CNTNAP2: variants seen among roughly 807,000 people sequenced by gnomAD.
CNTNAP2 encodes contactin associated protein 2.
CNTNAP2 carries 98 observed loss-of-function variants against 155.2 expected under a neutral mutation model. That is an observed-to-expected ratio of 0.63 (90% CI 0.54 to 0.75). CNTNAP2 has a LOEUF of 0.75. CNTNAP2 is among the 30% of genes least tolerant of loss of function. CNTNAP2 has a pLI of 0.00. For missense variants in CNTNAP2, 1,727 were observed against 1,688.1 expected (o/e 1.02, Z -0.40); for synonymous variants, 651 against 631.2 (o/e 1.03, Z -0.47).
intron 1 of CNTNAP2, among the ~76,000 whole-genome samples, chr7:146,661,712 T>TTTTCTTTC (rs1021323859): frequency 2.3e-5 from 3 of 128,722 alleles, no homozygotes; most frequent in East Asian, 4.3e-4. Flanking sequence ...GAGTTTTTCT[T>TTTTCTTTC]TTTCTTTCTT....
intron 8 of CNTNAP2, among the ~76,000 whole-genome samples, chr7:147,284,681 A>G (rs924738471): frequency 6.6e-6 from 1 of 152,108 alleles, no homozygotes; most frequent in African/African-American, 2.4e-5. Context: ...CTTCACTCAC[A>G]TAAATACTGT....
In CNTNAP2 at chr7:146,645,101, C is replaced by G. The variant is rs183003697; in HGVS notation, c.98-129170C>G. On this transcript the variant is annotated intron_variant, in intron 1 of 23. Coordinates refer to ENST00000361727, the MANE Select transcript of CNTNAP2 (RefSeq NM_014141.6). ...AATCATTTATTAAAATAGGCAAGTA[C>G]TTCTAAAAGCAGGGCTTGAAGGATG... Among the ~76,000 whole-genome samples, 250 of 152,262 alleles carry G rather than the reference C, an allele frequency of 1.6e-3. 1 individual carries two copies. Among genetic ancestry groups the G allele is most frequent in the African/African-American group, 5.7e-3 (236 of 41,556 alleles).
chr7:148,401,554 T>C (rs1157586312), intron 22 of CNTNAP2, among the ~76,000 whole-genome samples: 1 of 152,196 alleles, frequency 6.6e-6, no homozygotes. Flanking sequence ...GTTTATTTTA[T>C]GAAATACAAA....
chr7:146,847,622 T>C (rs1237157444), intron 3 of CNTNAP2, among the ~76,000 whole-genome samples: 1 of 152,212 alleles, frequency 6.6e-6, no homozygotes, highest in East Asian at 1.9e-4. Flanking sequence ...TTCTTGAAAA[T>C]TTAAAATAGC....
chr7:148,155,662 A>C (rs750725266), intron 17 of CNTNAP2, among the ~76,000 whole-genome samples: 3 of 152,234 alleles, frequency 2.0e-5, no homozygotes, highest in Non-Finnish European at 4.4e-5. Flanking sequence ...TAAAACTGGC[A>C]AACAGCTTTT....
intron 13 of CNTNAP2, among the ~76,000 whole-genome samples, chr7:147,816,725 T>C (rs931333354): frequency 6.7e-6 from 1 of 150,204 alleles, no homozygotes; most frequent in South Asian, 2.2e-4. Context: ...AATCACTTGA[T>C]GATGAATAGC....
intron 1 of CNTNAP2, among the ~76,000 whole-genome samples, chr7:146,321,476 C>T (rs940838832): frequency 2.0e-5 from 3 of 152,232 alleles, no homozygotes; most frequent in Middle Eastern, 3.4e-3. Context: ...CTTCACTGAG[C>T]TTGCACCTTC....
intron 1 of CNTNAP2, among the ~76,000 whole-genome samples, chr7:146,715,049 G>A (rs1404746315): frequency 6.6e-6 from 1 of 152,124 alleles, no homozygotes; most frequent in African/African-American, 2.4e-5. Context: ...ACTCTATAGA[G>A]GCCGGGCGTG....
intron 21 of CNTNAP2, among the ~76,000 whole-genome samples, chr7:148,308,650 C>A (rs1316810476): frequency 6.6e-6 from 1 of 151,714 alleles, no homozygotes; most frequent in African/African-American, 2.4e-5. Context: ...TAGGTATACA[C>A]GTGCCATGGT....
chr7:147,177,306 G>A (rs1295881988), intron 8 of CNTNAP2, among the ~76,000 whole-genome samples: 1 of 151,970 alleles, frequency 6.6e-6, no homozygotes, highest in Non-Finnish European at 1.5e-5. Flanking sequence ...GATGGGAGCG[G>A]TTTCCCCCAT....
At chr7:146,536,273 A>T (rs34394898) in intron 1 of CNTNAP2, among the ~76,000 whole-genome samples, 22,822 of 152,070 alleles carry the variant, frequency 0.15, 2,466 homozygotes, top group African/African-American at 0.3. Flanking sequence ...ACTTGTTAGA[A>T]GCAATATCTG....
intron 15 of CNTNAP2, among the ~76,000 whole-genome samples, chr7:147,988,947 G>A (rs1801666395): frequency 6.6e-6 from 1 of 152,176 alleles, no homozygotes; most frequent in Non-Finnish European, 1.5e-5. Context: ...AGACTTTATT[G>A]AGAAAAACGA....
intron 3 of CNTNAP2, among the ~76,000 whole-genome samples, chr7:146,944,168 A>G (rs905066163): frequency 1.3e-5 from 2 of 150,258 alleles, no homozygotes; most frequent in Non-Finnish European, 3.0e-5. Context: ...TGTTCCTGAC[A>G]TGGCTATTTT....
intron 13 of CNTNAP2, among the ~76,000 whole-genome samples, chr7:147,808,967 G>C (rs897930284): frequency 6.6e-6 from 1 of 152,074 alleles, no homozygotes; most frequent in Non-Finnish European, 1.5e-5. Flanking sequence ...CATAGAATAA[G>C]TTGAGTTTTT....
chr7:147,530,586 A>G (rs1440085138), intron 11 of CNTNAP2, among the ~76,000 whole-genome samples: 2 of 152,284 alleles, frequency 1.3e-5, no homozygotes, highest in African/African-American at 4.8e-5. Context: ...TACCACAAAA[A>G]TAGCACAGGA....
chr7:146,546,897 T>G (rs1313687170), intron 1 of CNTNAP2, among the ~76,000 whole-genome samples: 1 of 151,938 alleles, frequency 6.6e-6, no homozygotes, highest in Non-Finnish European at 1.5e-5. Context: ...CCCATGATTA[T>G]GGGAACTACA....
intron 10 of CNTNAP2, among the ~76,000 whole-genome samples, chr7:147,480,313 T>G (rs988416596): frequency 3.9e-5 from 6 of 152,230 alleles, no homozygotes; most frequent in Non-Finnish European, 7.4e-5. Flanking sequence ...ATCAGTAACC[T>G]AGAAGCAGTC....
chr7:148,032,611 C>T (rs1802498651), intron 15 of CNTNAP2, among the ~76,000 whole-genome samples: 1 of 152,130 alleles, frequency 6.6e-6, no homozygotes, highest in Non-Finnish European at 1.5e-5. Flanking sequence ...AACATGACAC[C>T]TTATTTGCAG....
chr7:147,395,453 A>G (rs1423110657), intron 9 of CNTNAP2, among the ~76,000 whole-genome samples, 156 bp from the exon 10 acceptor site: 1 of 152,044 alleles, frequency 6.6e-6, no homozygotes, highest in East Asian at 1.9e-4. Flanking sequence ...CACTTTCTCA[A>G]AAAACTTCCT....
Sources: allele counts gnomAD v4.1 joint callset (sites outside exome capture counted in the v4.1 genomes callset), GRCh38; gene constraint gnomAD v4.1.1; transcripts MANE v1.5; gene names NCBI Gene and HGNC (gene_info 2026-07-23, HGNC 2026-07-21).